The following DHRSX variants were observed in gnomAD, a reference collection of about 807,000 sequenced individuals.
The protein encoded by DHRSX is dehydrogenase/reductase X-linked, also known as polyprenol dehydrogenase.
DHRSX carries 31 observed loss-of-function variants against 34.0 expected under a neutral mutation model. The observed-to-expected ratio is 0.91, with a 90% CI of 0.69 to 1.23. The LOEUF (loss-of-function observed/expected upper bound fraction) is 1.23, where lower values mean the gene tolerates loss of function less well. Among genes scored for constraint, DHRSX ranks in the 50% most tolerant of loss-of-function variants. The pLI, the probability that DHRSX is intolerant of heterozygous loss-of-function variation, is 0.00. For missense variants in DHRSX, 414 were observed against 428.1 expected, an observed-to-expected ratio of 0.97 and a Z score of 0.29; for synonymous variants, 201 against 183.8, an observed-to-expected ratio of 1.09 and a Z score of -0.76.
At chrX:2,353,137 C>T (rs928761512) in intron 3 of DHRSX, among the ~76,000 whole-genome samples, 1 of 152,032 alleles carries the variant, frequency 6.6e-6, no homozygotes, top group Non-Finnish European at 1.5e-5. Context: ...CGTAGCTACT[C>T]GAGAGACTGA....
chrX:2,443,937 T>C (rs944355915), intron 1 of DHRSX, among the ~76,000 whole-genome samples: 11 of 141,576 alleles, frequency 7.8e-5, no homozygotes, highest in South Asian at 2.3e-4. Flanking sequence ...ACCCGGGAGG[T>C]GGAGCTTGCA....
chrX:2,314,435 G>GAGGAAGGAAGGGGAGAAGGGAGGA (rs2042211702), intron 3 of DHRSX, among the ~76,000 whole-genome samples: 1 of 92,702 alleles, frequency 1.1e-5, no homozygotes. Flanking sequence ...GGGGAGAAGG[G>GAGGAAGGAAGGGGAGAAGGGAGGA]AGGAAGGAAG....
At chrX:2,243,788 GTTTTTTTTTTTTT>G (rs778957532) in intron 5 of DHRSX, among the ~76,000 whole-genome samples, 126 of 25,174 alleles carry the variant, frequency 5.0e-3, no homozygotes, top group Admixed American at 9.1e-3. Context: ...TATGCTCCCT[GTTTTTTTTTTTTT>G]TTTTTTTTTT....
intron 3 of DHRSX, among the ~76,000 whole-genome samples, chrX:2,402,992 C>T (rs2043506417): frequency 6.6e-6 from 1 of 150,584 alleles, no homozygotes; most frequent in Non-Finnish European, 1.5e-5. Flanking sequence ...AAGCAATTCT[C>T]CTGCTTCAGC....
intron 3 of DHRSX, among the ~76,000 whole-genome samples, chrX:2,380,162 G>A (rs2043186474): frequency 6.6e-6 from 1 of 151,936 alleles, no homozygotes; most frequent in African/African-American, 2.4e-5. Context: ...GTGCATGGTG[G>A]CACGTCCCCA....
At chrX:2,433,399 T>C (rs2043951934) in intron 1 of DHRSX, among the ~76,000 whole-genome samples, 1 of 149,654 alleles carries the variant, frequency 6.7e-6, no homozygotes, top group Admixed American at 6.7e-5. Context: ...ATACTATTTC[T>C]TTTTTTTTTA....
chrX:2,267,282 G>A (rs1305441973), intron 4 of DHRSX, among the ~76,000 whole-genome samples: 2 of 152,204 alleles, frequency 1.3e-5, no homozygotes, highest in African/African-American at 4.8e-5. Context: ...AGAAGTTCAT[G>A]CCTGTCATCC....
At chrX:2,334,092 T>C (rs1011443891) in intron 3 of DHRSX, among the ~76,000 whole-genome samples, 7 of 152,026 alleles carry the variant, frequency 4.6e-5, no homozygotes, top group Non-Finnish European at 7.4e-5. Flanking sequence ...GGTAGAATAA[T>C]TGGTATTTCT....
chrX:2,467,384 C>T (rs1170396259), intron 1 of DHRSX, among the ~76,000 whole-genome samples: 4 of 152,224 alleles, frequency 2.6e-5, no homozygotes, highest in Admixed American at 6.5e-5. Context: ...TGTTCACAGC[C>T]GTGATTAAGG....
intron 3 of DHRSX, among the ~76,000 whole-genome samples, chrX:2,295,522 T>C (rs1055020535): frequency 1.6e-4 from 25 of 152,310 alleles, no homozygotes; most frequent in African/African-American, 6.0e-4. Context: ...CGTGTATACC[T>C]ATGTAACAAA....
At chrX:2,331,436 GTTTTTTTTTTTTTTTTT>G (rs1159991841) in intron 3 of DHRSX, among the ~76,000 whole-genome samples, 3 of 94,658 alleles carry the variant, frequency 3.2e-5, no homozygotes, top group African/African-American at 1.0e-4. Flanking sequence ...AGGTTTTTTG[GTTTTTTTTTTTTTTTTT>G]TTTTTTTTTT....
At position 2,380,738 on chromosome X, in the gene DHRSX, G is replaced by A. The variant is rs754098885; in HGVS notation, c.286+28007C>T. 1.8e-4 allele frequency among the ~76,000 whole-genome samples: 27 copies of A among 152,268 alleles called. No homozygotes were observed. In the South Asian group the frequency reaches 3.9e-3, roughly 22 times the overall value. On this transcript the variant is annotated intron_variant, in intron 3 of 6. Transcript: ENST00000334651. ...TGCTCTCTCTTCATCCATCACCACC[G>A]AGCATTCATGCTGCACACGTAAACT...
intron 1 of DHRSX, among the ~76,000 whole-genome samples, chrX:2,479,819 G>A (rs1176299711): frequency 6.6e-6 from 1 of 150,840 alleles, no homozygotes; most frequent in Non-Finnish European, 1.5e-5. Context: ...GACTGCCACC[G>A]TGTACACACT....
At chrX:2,390,822 C>CT (rs1308027778) in intron 3 of DHRSX, among the ~76,000 whole-genome samples, 9 of 152,154 alleles carry the variant, frequency 5.9e-5, no homozygotes, top group Non-Finnish European at 1.2e-4. Context: ...AATATCCTTC[C>CT]TTTTTTATGG....
chrX:2,472,679 G>A (rs1343903926), intron 1 of DHRSX, among the ~76,000 whole-genome samples: 1 of 151,898 alleles, frequency 6.6e-6, no homozygotes, highest in African/African-American at 2.4e-5. Context: ...TGAGATGGGA[G>A]AATCCTTGGA....
intron 3 of DHRSX, among the ~76,000 whole-genome samples, chrX:2,308,173 G>A (rs1173365838): frequency 6.6e-6 from 1 of 152,120 alleles, no homozygotes; most frequent in African/African-American, 2.4e-5. Flanking sequence ...GGAATAAGAT[G>A]GAGTATACCA....
intron 6 of DHRSX, among the ~76,000 whole-genome samples, chrX:2,242,039 TC>T (rs1368491683): frequency 6.6e-6 from 1 of 151,936 alleles, no homozygotes; most frequent in East Asian, 1.9e-4. Flanking sequence ...CACCCCCAAT[TC>T]CCCACTCCCC....
chrX:2,475,654 C>T lies in DHRSX; in HGVS notation c.109+25163G>A, dbSNP rs775655414. 7.9e-5 allele frequency among the ~76,000 whole-genome samples: 12 copies of T among 152,018 alleles called. No individual in the cohort carries two copies. The South Asian group carries it at 2.3e-3, about 29-fold the overall frequency. On this transcript the variant is annotated intron_variant, in intron 1 of 6. Coordinates refer to ENST00000334651, the MANE Select transcript of DHRSX (RefSeq NM_145177.3). ...AAGCATACAGCCAAGGGACTGCCACCGTGTACACACTGAACACGTTCCCTA... is the reference window on the plus strand; with the variant it reads ...AAGCATACAGCCAAGGGACTGCCACTGTGTACACACTGAACACGTTCCCTA...
intron 5 of DHRSX, among the ~76,000 whole-genome samples, chrX:2,248,628 A>AAG (rs1491210040): frequency 0.43 from 43,797 of 101,846 alleles, 9,928 homozygotes; most frequent in Non-Finnish European, 0.48. Flanking sequence ...AAAAAAAAAG[A>AAG]AAAAGAAAAG....
Sources: allele counts gnomAD v4.1 joint callset (sites outside exome capture counted in the v4.1 genomes callset), GRCh38; gene constraint gnomAD v4.1.1; transcripts MANE v1.5; gene names NCBI Gene and HGNC (gene_info 2026-07-23, HGNC 2026-07-21).